MIS18A: variants seen among roughly 807,000 people sequenced by gnomAD.
MIS18A encodes MIS18 kinetochore protein A, also known as protein Mis18-alpha.
MIS18A carries 14 observed loss-of-function variants against 25.0 expected under a neutral mutation model. The ratio of observed to expected loss-of-function variants is 0.56; its 90% CI spans 0.37 to 0.88. MIS18A has a LOEUF of 0.88. MIS18A is among the 40% of genes least tolerant of loss of function. The pLI, the probability that MIS18A is intolerant of heterozygous loss-of-function variation, is 0.00. For missense variants in MIS18A, 292 were observed against 290.8 expected (o/e 1.00, Z -0.03); for synonymous variants, 134 against 118.6 (o/e 1.13, Z -0.84).
the MIS18A span, among the ~76,000 whole-genome samples, chr21:32,227,109 T>A: frequency 6.6e-6 from 1 of 151,988 alleles, no homozygotes; most frequent in Non-Finnish European, 1.5e-5. Flanking sequence ...GTGTCTATAT[T>A]TACAAAGTAG....
At position 32,278,651 on chromosome 21, in the gene MIS18A, GC is replaced by G. The variant is rs754644542; in HGVS notation, c.334+29del. 2.0e-5 allele frequency: 29 copies of G among 1,471,382 alleles called. No homozygotes were observed. In the African/African-American group the frequency reaches 2.2e-4, roughly 11 times the overall value. 91.1% of individuals were successfully genotyped at this position (1,471,382 alleles called of 1,614,324 possible). On this transcript the variant is annotated intron_variant, in intron 1 of 4. Transcript: ENST00000290130. ...CACCCCTGGAAGAAGGCGACCCCACGCCCCCCCTGCCCGGCTCGACCCAACT... is the reference window on the plus strand; with the variant it reads ...CACCCCTGGAAGAAGGCGACCCCACGCCCCCCTGCCCGGCTCGACCCAACT...
chr21:32,191,167 A>G, the MIS18A span, among the ~76,000 whole-genome samples: 1 of 152,254 alleles, frequency 6.6e-6, no homozygotes, highest in East Asian at 1.9e-4. Flanking sequence ...TCCAGGGGAT[A>G]AATGCATGAA....
At chr21:32,173,955 GTTTTTTTTTT>G in the MIS18A span, among the ~76,000 whole-genome samples, 5 of 92,588 alleles carry the variant, frequency 5.4e-5, no homozygotes, top group African/African-American at 8.6e-5. Context: ...TACTTTTTAA[GTTTTTTTTTT>G]TTTTTTTTTT....
Position 32,273,813 on chromosome 21 carries a change from T to C in MIS18A, c.401+1017A>G, listed in dbSNP as rs528522494. ...AGTATTTTTAATACACATTAAAATA[T>C]ACACATAATTAATTTTTGTTTAACT... On this transcript the variant is annotated intron_variant, in intron 2 of 4. Transcript: ENST00000290130. Among the ~76,000 whole-genome samples the C allele has an allele frequency of 3.9e-5, 6 of 152,348 alleles. No individual in the cohort carries two copies. In the East Asian group the frequency reaches 5.8e-4, roughly 15 times the overall value.
At chr21:32,166,040 T>C in the MIS18A span, among the ~76,000 whole-genome samples, 10 of 152,284 alleles carry the variant, frequency 6.6e-5, no homozygotes, top group Non-Finnish European at 1.5e-4. Flanking sequence ...CAGGTAGAGA[T>C]GCTAGGACGG....
chr21:32,243,235 A>G, the MIS18A span, among the ~76,000 whole-genome samples: 1 of 152,238 alleles, frequency 6.6e-6, no homozygotes, highest in South Asian at 2.1e-4. Flanking sequence ...TAAAGTTGCT[A>G]AATTGGACTT....
the MIS18A span, among the ~76,000 whole-genome samples, chr21:32,223,315 TA>T: frequency 0.039 from 5,940 of 150,522 alleles, 363 homozygotes; most frequent in African/African-American, 0.13. Flanking sequence ...AAAAAACCCT[TA>T]AAAAAAAATC....
the MIS18A span, among the ~76,000 whole-genome samples, chr21:32,236,677 G>A: frequency 6.6e-6 from 1 of 151,990 alleles, no homozygotes; most frequent in Non-Finnish European, 1.5e-5. Flanking sequence ...CAGGTAAAGG[G>A]GTGGATATGC....
chr21:32,247,979 G>A, the MIS18A span, among the ~76,000 whole-genome samples: 1 of 152,212 alleles, frequency 6.6e-6, no homozygotes, highest in Non-Finnish European at 1.5e-5. Context: ...TATGTGAAGA[G>A]CTGGAACTGA....
downstream of MIS18A, among the ~76,000 whole-genome samples, chr21:32,266,397 T>G (rs576899650): frequency 1.3e-5 from 2 of 152,140 alleles, no homozygotes; most frequent in South Asian, 2.1e-4. Flanking sequence ...CGAGCCAGCA[T>G]TGGCAACCTG....
At chr21:32,257,815 T>C in the MIS18A span, among the ~76,000 whole-genome samples, 2 of 152,124 alleles carry the variant, frequency 1.3e-5, no homozygotes, top group African/African-American at 4.8e-5. Context: ...AACTACCACT[T>C]TGCCTCTGCA....
the MIS18A span, among the ~76,000 whole-genome samples, chr21:32,184,273 G>C: frequency 6.6e-6 from 1 of 152,194 alleles, no homozygotes; most frequent in Non-Finnish European, 1.5e-5. Context: ...CTGCACAGCA[G>C]GGCATTTTCA....
chr21:32,222,844 C>T, the MIS18A span, among the ~76,000 whole-genome samples: 1 of 148,786 alleles, frequency 6.7e-6, no homozygotes, highest in African/African-American at 2.5e-5. Flanking sequence ...AGGAGGAGAA[C>T]AGTGTGAACC....
At chr21:32,242,218 C>T in the MIS18A span, among the ~76,000 whole-genome samples, 1 of 152,160 alleles carries the variant, frequency 6.6e-6, no homozygotes, top group African/African-American at 2.4e-5. Context: ...AGCCTGAGAG[C>T]GATTGAATTT....
the MIS18A span, among the ~76,000 whole-genome samples, chr21:32,164,836 A>C: frequency 6.6e-6 from 1 of 152,172 alleles, no homozygotes; most frequent in African/African-American, 2.4e-5. Context: ...AAGTTCTGTT[A>C]CTGTTATGGT....
the MIS18A span, among the ~76,000 whole-genome samples, chr21:32,159,958 G>A: frequency 6.6e-6 from 1 of 151,904 alleles, no homozygotes; most frequent in Non-Finnish European, 1.5e-5. Context: ...GTGCCTGACT[G>A]TTAGTTGATT....
At chr21:32,276,604 T>C (rs1170700291) in intron 1 of MIS18A, among the ~76,000 whole-genome samples, 5 of 152,066 alleles carry the variant, frequency 3.3e-5, no homozygotes, top group African/African-American at 4.8e-5. Flanking sequence ...TTTTTTATGT[T>C]AATGAGTACT....
chr21:32,190,055 A>G, the MIS18A span, among the ~76,000 whole-genome samples: 1 of 152,174 alleles, frequency 6.6e-6, no homozygotes, highest in East Asian at 1.9e-4. Flanking sequence ...TGTGAAAATT[A>G]CAGAAGAAGG....
the MIS18A span, among the ~76,000 whole-genome samples, chr21:32,193,522 G>C: frequency 1.0e-5 from 1 of 100,100 alleles, no homozygotes; most frequent in Non-Finnish European, 2.1e-5. Flanking sequence ...ATAGATAGAT[G>C]GATAGATCGA....
Sources: gnomAD v4.1 joint callset for allele counts (sites outside exome capture counted in the v4.1 genomes callset) on GRCh38, gnomAD v4.1.1 for gene constraint, MANE v1.5 for transcripts, NCBI Gene and HGNC (gene_info 2026-07-23, HGNC 2026-07-21) for gene names.